Variants in DSCAM observed in about 807,000 individuals in gnomAD.
The protein encoded by DSCAM is DS cell adhesion molecule.
Under a neutral mutation model 217.7 loss-of-function variants are expected in DSCAM, and 47 were observed. The ratio of observed to expected loss-of-function variants is 0.22; its 90% confidence interval spans 0.17 to 0.28. The LOEUF is 0.28. DSCAM is among the 10% of genes least tolerant of loss of function. The pLI is 1.00. For synonymous variants in DSCAM, 1,056 were observed against 1,015.3 expected (o/e 1.04, Z -0.76); for missense variants, 2,080 against 2,618.3 (o/e 0.79, Z 4.49).
chr21:40,380,137 C>G (rs879276540), intron 3 of DSCAM, among the ~76,000 whole-genome samples: 2 of 152,160 alleles, frequency 1.3e-5, no homozygotes, highest in African/African-American at 2.4e-5. Context: ...AAATGAGGCT[C>G]AATTATACAC....
chr21:40,545,702 G>A (rs2076576897), intron 3 of DSCAM, among the ~76,000 whole-genome samples: 1 of 152,188 alleles, frequency 6.6e-6, no homozygotes, highest in Non-Finnish European at 1.5e-5. Context: ...CCAGCACACT[G>A]CAGGCATTGA....
chr21:40,432,799 C>G (rs1170613713), intron 3 of DSCAM, among the ~76,000 whole-genome samples: 1 of 152,130 alleles, frequency 6.6e-6, no homozygotes, highest in East Asian at 1.9e-4. Flanking sequence ...GAGATAATCT[C>G]TGTCATACAG....
intron 3 of DSCAM, among the ~76,000 whole-genome samples, chr21:40,419,467 A>C (rs1288696512): frequency 6.6e-6 from 1 of 152,160 alleles, no homozygotes; most frequent in Non-Finnish European, 1.5e-5. Flanking sequence ...GGTAATTTAT[A>C]CATGAAAACA....
At chr21:40,453,510 G>T (rs950914371) in intron 3 of DSCAM, among the ~76,000 whole-genome samples, 1 of 152,140 alleles carries the variant, frequency 6.6e-6, no homozygotes, top group African/African-American at 2.4e-5. Flanking sequence ...ATCCCAGAAA[G>T]CTTCAATTAC....
chr21:40,403,283 C>T (rs1482156367), intron 3 of DSCAM, among the ~76,000 whole-genome samples: 1 of 151,824 alleles, frequency 6.6e-6, no homozygotes, highest in Non-Finnish European at 1.5e-5. Context: ...TTTTTAATGT[C>T]CAGGTGATTA....
At chr21:40,223,981 T>C (rs892351440) in intron 11 of DSCAM, among the ~76,000 whole-genome samples, 1 of 152,216 alleles carries the variant, frequency 6.6e-6, no homozygotes, top group Non-Finnish European at 1.5e-5. Flanking sequence ...TTGCATTTCC[T>C]AGATTTCAGA....
At chr21:40,214,647 T>C (rs2091222795) in intron 11 of DSCAM, among the ~76,000 whole-genome samples, 1 of 144,990 alleles carries the variant, frequency 6.9e-6, no homozygotes, top group South Asian at 2.1e-4. Context: ...AGGTAAAGGG[T>C]GGAAAAAGAG....
intron 32 of DSCAM, among the ~76,000 whole-genome samples, chr21:40,031,749 A>C (rs147113897): frequency 1.1e-4 from 17 of 152,298 alleles, no homozygotes; most frequent in African/African-American, 4.8e-5. Flanking sequence ...ATCGTCTTCC[A>C]ATGTGGCCTC....
intron 3 of DSCAM, among the ~76,000 whole-genome samples, chr21:40,559,403 C>A (rs142487626): frequency 8.7e-5 from 13 of 150,236 alleles, no homozygotes; most frequent in Non-Finnish European, 1.6e-4. Flanking sequence ...GCTTGCAGTG[C>A]GCTGAGATCG....
chr21:40,062,902 G>A lies in DSCAM; in HGVS notation c.4889-3C>T, dbSNP rs757138450. 1.9e-6 allele frequency: 3 copies of A among 1,597,248 alleles called. No homozygotes were observed. Among genetic ancestry groups the A allele is most frequent in the East Asian group, 2.3e-5 (1 of 43,620 alleles). On this transcript the variant is annotated splice_polypyrimidine_tract_variant and splice_region_variant and intron_variant, in intron 27 of 32. Transcript: ENST00000400454. ...CATTTCAGCTAAACTCTTTGCATCT[G>A]GGGAAAGAAAGTTAACATTAGTACA...
At chr21:40,204,507 A>C (rs2837494) in intron 11 of DSCAM, among the ~76,000 whole-genome samples, 79,851 of 152,038 alleles carry the variant, frequency 0.53, 21,541 homozygotes, top group African/African-American at 0.65. Flanking sequence ...CGTTCTCATA[A>C]AGGAAAACCT....
At chr21:40,495,159 G>T (rs2076107865) in intron 3 of DSCAM, among the ~76,000 whole-genome samples, 1 of 152,046 alleles carries the variant, frequency 6.6e-6, no homozygotes, top group African/African-American at 2.4e-5. Flanking sequence ...ATGAAATATT[G>T]AAGAACTAAT....
Position 40,012,655 on chromosome 21 carries a change from T to C in DSCAM, c.*379A>G, listed in dbSNP as rs947968536. 6.4e-6 allele frequency: 1 copy of C among 155,150 alleles called. No individual in the cohort carries two copies. The highest frequency in any genetic ancestry group is 2.4e-5 in the African/African-American group (1 of 41,540). 9.6% of individuals were successfully genotyped at this position (155,150 alleles called of 1,614,324 possible). ...CCGCAAATCGGTGTTCCTTTTAAAT[T>C]CACAAATAGGCTGATTTCCCACCCA... On this transcript the variant is annotated 3_prime_UTR_variant, in exon 33 of 33. Transcript: ENST00000400454.
intron 3 of DSCAM, among the ~76,000 whole-genome samples, chr21:40,376,275 A>G (rs2074949519): frequency 6.6e-6 from 1 of 152,108 alleles, no homozygotes; most frequent in South Asian, 2.1e-4. Flanking sequence ...AAGCCGTTTC[A>G]ATAACAGTTT....
At chr21:40,637,624 C>CTATAT (rs1265414818) in intron 3 of DSCAM, among the ~76,000 whole-genome samples, 4,035 of 32,880 alleles carry the variant, frequency 0.12, 255 homozygotes, top group South Asian at 0.15. Flanking sequence ...TAAATATATA[C>CTATAT]ATATATAAAT....
At chr21:40,720,687 TGA>T (rs1303922459) in intron 1 of DSCAM, among the ~76,000 whole-genome samples, 1 of 148,282 alleles carries the variant, frequency 6.7e-6, no homozygotes, top group African/African-American at 2.5e-5. Flanking sequence ...AAAAAAAAAA[TGA>T]AAGAAGGAAA....
intron 13 of DSCAM, 56 bp from the exon 14 acceptor site, chr21:40,187,315 C>G: frequency 6.2e-7 from 1 of 1,601,120 alleles, no homozygotes; most frequent in East Asian, 2.2e-5. Flanking sequence ...TGACATAAAA[C>G]GCTAGTGGAA....
chr21:40,403,938 C>G (rs541442512), intron 3 of DSCAM, among the ~76,000 whole-genome samples: 7 of 152,152 alleles, frequency 4.6e-5, no homozygotes. Flanking sequence ...AATCATTCAT[C>G]ATCATCATGA....
intron 1 of DSCAM, among the ~76,000 whole-genome samples, chr21:40,827,562 A>ATTC (rs541579916): frequency 7.6e-3 from 433 of 56,908 alleles, no homozygotes; most frequent in Non-Finnish European, 0.011. Flanking sequence ...ACAAAAGCAG[A>ATTC]TTCAATGGAG....
Sources: gnomAD v4.1 joint callset for allele counts (sites outside exome capture counted in the v4.1 genomes callset) on GRCh38, gnomAD v4.1.1 for gene constraint, MANE v1.5 for transcripts, NCBI Gene and HGNC (gene_info 2026-07-23, HGNC 2026-07-21) for gene names.